Variants in BEND7 observed in about 807,000 individuals in gnomAD.
BEND7 encodes the protein BEN domain-containing protein 7.
Under a neutral mutation model 50.9 loss-of-function variants are expected in BEND7, and 28 were observed. The ratio of observed to expected loss-of-function variants is 0.55; its 90% CI spans 0.41 to 0.75. The LOEUF (loss-of-function observed/expected upper bound fraction) is 0.75. Ranked by LOEUF, BEND7 falls within the 30% of genes least tolerant of loss-of-function variation. BEND7 has a pLI of 0.00. For missense variants in BEND7, 477 were observed against 491.3 expected (o/e 0.97, Z 0.28); for synonymous variants, 170 against 183.9 (o/e 0.92, Z 0.61).
rs1381313380 is a variant in BEND7, at chr10:13,485,067, A to G, written c.838-3943T>C. Among the ~76,000 whole-genome samples the G allele has an allele frequency of 4.6e-5, 7 of 152,142 alleles. No homozygotes were observed. In the East Asian group the frequency reaches 1.3e-3, roughly 29 times the overall value. On this transcript the variant is annotated intron_variant, in intron 5 of 8. Transcript: ENST00000466271. The stretch of plus-strand genomic sequence containing the variant: ...ATCTAGTTTGGCTGGGGAATCTCCT[A>G]ACTAGGTAAATGAAGATGCGCCTTC...
chr10:13,467,444 A>G (rs1161116123), intron 6 of BEND7, among the ~76,000 whole-genome samples: 1 of 152,242 alleles, frequency 6.6e-6, no homozygotes, highest in Non-Finnish European at 1.5e-5. Context: ...TCTAGTATGA[A>G]AGAAAGCATG....
At chr10:13,487,115 A>G (rs2076274565) in intron 5 of BEND7, among the ~76,000 whole-genome samples, 1 of 152,246 alleles carries the variant, frequency 6.6e-6, no homozygotes, top group Non-Finnish European at 1.5e-5. Flanking sequence ...GAAAACAGCA[A>G]TATAATTAAC....
At chr10:13,529,237 A>C (rs1032539212), upstream of BEND7, among the ~76,000 whole-genome samples, 19 of 144,876 alleles carry the variant, frequency 1.3e-4, no homozygotes, top group East Asian at 4.4e-4. Context: ...CCCGGGGACG[A>C]CGCCGCCGCC....
intron 5 of BEND7, among the ~76,000 whole-genome samples, chr10:13,489,008 A>G (rs2076457578): frequency 6.6e-6 from 1 of 152,208 alleles, no homozygotes; most frequent in Non-Finnish European, 1.5e-5. Context: ...TATTCCCATA[A>G]AGACACTGAG....
upstream of BEND7, chr10:13,529,111 G>A (rs1448008707): frequency 6.9e-6 from 1 of 144,746 alleles, no homozygotes; most frequent in Non-Finnish European, 1.5e-5. Flanking sequence ...ACCTGCTGGC[G>A]GAGCCCGGCC....
intron 6 of BEND7, among the ~76,000 whole-genome samples, chr10:13,469,856 T>TTGCAA (rs1354763240): frequency 6.6e-6 from 1 of 152,174 alleles, no homozygotes; most frequent in African/African-American, 2.4e-5. Context: ...CCATGATCAT[T>TTGCAA]TGCAATGCAC....
chr10:13,478,604 T>C (rs2075632513), intron 6 of BEND7, among the ~76,000 whole-genome samples: 1 of 152,322 alleles, frequency 6.6e-6, no homozygotes, highest in Admixed American at 6.5e-5. Context: ...AATACCATAA[T>C]CTTGGAAGGG....
intron 5 of BEND7, among the ~76,000 whole-genome samples, chr10:13,485,954 T>C (rs954180095): frequency 6.6e-6 from 1 of 152,166 alleles, no homozygotes; most frequent in Non-Finnish European, 1.5e-5. Flanking sequence ...GGATCACAGC[T>C]CACTGCAGCC....
chr10:13,520,244 G>A (rs113447603), intron 2 of BEND7, among the ~76,000 whole-genome samples: 137 of 151,874 alleles, frequency 9.0e-4, no homozygotes, highest in African/African-American at 3.2e-3. Context: ...GATAAAGTTC[G>A]GAAGTGCCCA....
intron 4 of BEND7, among the ~76,000 whole-genome samples, chr10:13,494,307 C>G (rs2076882132): frequency 6.6e-6 from 1 of 152,218 alleles, no homozygotes. Context: ...GTCCCAGCTA[C>G]TTGAGAGGCT....
chr10:13,493,598 A>G (rs2076825862), intron 4 of BEND7, among the ~76,000 whole-genome samples: 1 of 152,192 alleles, frequency 6.6e-6, no homozygotes, highest in Non-Finnish European at 1.5e-5. Flanking sequence ...AGTCAAGCAA[A>G]TCAGTGAAAT....
At chr10:13,465,368 A>C (rs1016093239) in intron 6 of BEND7, among the ~76,000 whole-genome samples, 1 of 152,220 alleles carries the variant, frequency 6.6e-6, no homozygotes, top group Non-Finnish European at 1.5e-5. Context: ...TGAAATGAGA[A>C]TATCCTACTG....
intron 8 of BEND7, chr10:13,447,033 C>A: frequency 1.8e-6 from 1 of 554,694 alleles, no homozygotes; most frequent in Non-Finnish European, 3.2e-6. Flanking sequence ...TTAGGATTTG[C>A]TCTTCTGAGA....
intron 5 of BEND7, among the ~76,000 whole-genome samples, chr10:13,484,111 G>A (rs2076056257): frequency 6.6e-6 from 1 of 152,218 alleles, no homozygotes; most frequent in Admixed American, 6.5e-5. Context: ...TTACAAAGGA[G>A]GAAGTAGTCT....
intron 3 of BEND7, among the ~76,000 whole-genome samples, chr10:13,497,810 A>C (rs2077131479): frequency 6.6e-6 from 1 of 152,184 alleles, no homozygotes; most frequent in African/African-American, 2.4e-5. Context: ...CCAGCAAGGT[A>C]AGTTCCATGG....
chr10:13,472,517 C>T (rs1338472932), intron 6 of BEND7, among the ~76,000 whole-genome samples: 1 of 150,908 alleles, frequency 6.6e-6, no homozygotes, highest in East Asian at 2.0e-4. Flanking sequence ...CATTGTTAGA[C>T]TTGGGGCTGG....
At chr10:13,500,865 T>C (rs949977005) in intron 2 of BEND7, 5 of 984,818 alleles carry the variant, frequency 5.1e-6, no homozygotes, top group South Asian at 4.7e-5. Context: ...CTCCCCACCG[T>C]GCCCTCCTCC....
chr10:13,479,539 C>T (rs981395174), intron 6 of BEND7, among the ~76,000 whole-genome samples: 3 of 152,150 alleles, frequency 2.0e-5, no homozygotes, highest in Admixed American at 1.3e-4. Flanking sequence ...AACAATTCCT[C>T]GCTGCATTTC....
At chr10:13,487,721 T>A (rs76938380) in intron 5 of BEND7, among the ~76,000 whole-genome samples, 3,247 of 152,118 alleles carry the variant, frequency 0.021, 70 homozygotes, top group Non-Finnish European at 0.027. Context: ...TGAGTAAATT[T>A]AAAAAATCAT....
Sources: allele counts gnomAD v4.1 joint callset (sites outside exome capture counted in the v4.1 genomes callset), GRCh38; gene constraint gnomAD v4.1.1; transcripts MANE v1.5; gene names NCBI Gene and HGNC (gene_info 2026-07-23, HGNC 2026-07-21).